Variants in THSD4 observed in about 807,000 individuals in gnomAD.
THSD4 encodes the protein thrombospondin type 1 domain containing 4.
THSD4 carries 69 observed loss-of-function variants against 119.0 expected under a neutral mutation model. That is an observed-to-expected ratio of 0.58 (90% confidence interval 0.48 to 0.71). The LOEUF is 0.71. Among genes scored for constraint, THSD4 ranks in the 30% least tolerant of loss-of-function variants. The pLI, the probability that THSD4 is intolerant of heterozygous loss-of-function variation, is 0.00. For missense variants in THSD4, 1,393 were observed against 1,391.1 expected, an observed-to-expected ratio of 1.00 and a Z score of -0.02; for synonymous variants, 524 against 540.4, an observed-to-expected ratio of 0.97 and a Z score of 0.42.
At chr15:71,674,010 C>T (rs908981266) in intron 8 of THSD4, among the ~76,000 whole-genome samples, 10 of 152,130 alleles carry the variant, frequency 6.6e-5, no homozygotes, top group Non-Finnish European at 1.2e-4. Flanking sequence ...AACTGTCTGT[C>T]GGAGTAGTTG....
rs1267531236 is a variant in THSD4 at position 71,439,658 on chromosome 15, A to G, written c.1152+27835A>G. Among the ~76,000 whole-genome samples the G allele has an allele frequency of 2.6e-5, 4 of 152,224 alleles. No homozygotes were observed. In the East Asian group the frequency reaches 7.7e-4, roughly 29 times the overall value. The stretch of plus-strand genomic sequence containing the variant: ...ACTGGTTAAAGAAAATGTGGCACGT[A>G]TACACTATGGAATACTATGCAGCTG... On this transcript the variant is annotated intron_variant, in intron 7 of 17. Transcript: ENST00000261862.
chr15:71,395,107 T>C (rs1006163545), intron 6 of THSD4, among the ~76,000 whole-genome samples: 3 of 152,174 alleles, frequency 2.0e-5, no homozygotes, highest in African/African-American at 7.2e-5. Context: ...CAGGCCCAGT[T>C]GAAGAGGGCG....
chr15:71,752,605 G>C (rs947373852), intron 14 of THSD4, among the ~76,000 whole-genome samples: 2 of 152,178 alleles, frequency 1.3e-5, no homozygotes, highest in Non-Finnish European at 2.9e-5. Context: ...CATTGGCTTT[G>C]GTATCATCTC....
At chr15:71,334,477 C>T (rs1263505760) in intron 6 of THSD4, among the ~76,000 whole-genome samples, 1 of 152,182 alleles carries the variant, frequency 6.6e-6, no homozygotes, top group Non-Finnish European at 1.5e-5. Context: ...TACTAAACAT[C>T]CAATACAGTC....
chr15:71,187,826 A>C (rs2043626062), intron 3 of THSD4, among the ~76,000 whole-genome samples: 1 of 152,214 alleles, frequency 6.6e-6, no homozygotes, highest in Non-Finnish European at 1.5e-5. Context: ...TGCCAGATTA[A>C]TCTTCCTGAA....
chr15:71,549,076 C>T (rs1308554672), intron 7 of THSD4, among the ~76,000 whole-genome samples: 1 of 152,254 alleles, frequency 6.6e-6, no homozygotes, highest in Non-Finnish European at 1.5e-5. Context: ...CTTCACCTGA[C>T]AATCAGCAAA....
At chr15:71,249,486 A>C (rs1226482366) in intron 5 of THSD4, among the ~76,000 whole-genome samples, 1 of 150,552 alleles carries the variant, frequency 6.6e-6, no homozygotes, top group Non-Finnish European at 1.5e-5. Context: ...TGATTATAGA[A>C]AGTTGTTCTC....
chr15:71,128,474 C>A (rs1279483427), intron 1 of THSD4, among the ~76,000 whole-genome samples: 1 of 150,002 alleles, frequency 6.7e-6, no homozygotes, highest in Non-Finnish European at 1.5e-5. Flanking sequence ...TTGCCATGAG[C>A]CAAGATCACG....
At chr15:71,715,800 G>A (rs1307891272) in intron 8 of THSD4, among the ~76,000 whole-genome samples, 1 of 150,040 alleles carries the variant, frequency 6.7e-6, no homozygotes, top group African/African-American at 2.5e-5. Context: ...CCTCTATTTA[G>A]GATAGGTCTA....
chr15:71,692,752 G>A (rs2052081601), intron 8 of THSD4, among the ~76,000 whole-genome samples: 1 of 152,168 alleles, frequency 6.6e-6, no homozygotes, highest in Non-Finnish European at 1.5e-5. Context: ...TGCAGATGAC[G>A]TCTGCTGGCT....
At chr15:71,667,959 A>G (rs2051448631) in intron 8 of THSD4, among the ~76,000 whole-genome samples, 1 of 152,122 alleles carries the variant, frequency 6.6e-6, no homozygotes, top group African/African-American at 2.4e-5. Context: ...TACTATACAT[A>G]CTTTTTGCAA....
intron 7 of THSD4, among the ~76,000 whole-genome samples, chr15:71,494,526 C>G (rs903021192): frequency 6.6e-6 from 1 of 152,208 alleles, no homozygotes; most frequent in Non-Finnish European, 1.5e-5. Flanking sequence ...TTCCTATTTA[C>G]TTTTCCATAC....
chr15:71,105,680 T>C (rs530471681), intron 1 of THSD4, among the ~76,000 whole-genome samples: 7 of 152,324 alleles, frequency 4.6e-5, no homozygotes, highest in Admixed American at 1.3e-4. Context: ...ATACTTCTTA[T>C]CACACTACAC....
At chr15:71,470,109 C>A (rs1225848820) in intron 7 of THSD4, among the ~76,000 whole-genome samples, 1 of 152,068 alleles carries the variant, frequency 6.6e-6, no homozygotes, top group East Asian at 1.9e-4. Flanking sequence ...AGGTTCCCTA[C>A]CTTAAGAACT....
At chr15:71,309,952 G>A (rs1013544814) in intron 6 of THSD4, among the ~76,000 whole-genome samples, 30 of 152,278 alleles carry the variant, frequency 2.0e-4, no homozygotes, top group African/African-American at 7.0e-4. Context: ...TGGACACCCA[G>A]CATTGATGGC....
intron 7 of THSD4, among the ~76,000 whole-genome samples, chr15:71,432,115 A>G (rs959042435): frequency 1.3e-5 from 2 of 152,138 alleles, no homozygotes; most frequent in Non-Finnish European, 1.5e-5. Flanking sequence ...ACTATTTTGG[A>G]ACACATATTA....
intron 11 of THSD4, 86 bp downstream of exon 11, chr15:71,738,093 T>C (rs764671507): frequency 1.3e-6 from 2 of 1,527,334 alleles, no homozygotes; most frequent in Non-Finnish European, 1.8e-6. Context: ...TCCCCGGCTT[T>C]TTTGGCACCA....
chr15:71,590,507 A>G (rs1350307603), intron 7 of THSD4, among the ~76,000 whole-genome samples: 1 of 118,746 alleles, frequency 8.4e-6, no homozygotes, highest in African/African-American at 2.8e-5. Flanking sequence ...GACCTGAATG[A>G]TGAGAACACA....
intron 7 of THSD4, among the ~76,000 whole-genome samples, chr15:71,496,576 G>A (rs541761355): frequency 4.5e-4 from 68 of 152,198 alleles, no homozygotes; most frequent in African/African-American, 1.5e-3. Context: ...GAGGAGAAAG[G>A]CAAAAAGTAC....
Sources: gnomAD v4.1 joint callset for allele counts (sites outside exome capture counted in the v4.1 genomes callset) on GRCh38, gnomAD v4.1.1 for gene constraint, MANE v1.5 for transcripts, NCBI Gene and HGNC (gene_info 2026-07-23, HGNC 2026-07-21) for gene names.